Variants in SLC9B2 observed in about 807,000 individuals in gnomAD.
SLC9B2 encodes sodium/hydrogen exchanger 9B2.
In SLC9B2, 39 loss-of-function variants were observed where a neutral mutation model predicts 52.2. That is an observed-to-expected ratio of 0.75 (90% CI 0.58 to 0.98). The LOEUF is 0.98. SLC9B2 is among the 50% of genes least tolerant of loss of function. The pLI, the probability that SLC9B2 is intolerant of heterozygous loss-of-function variation, is 0.00. For synonymous variants in SLC9B2, 214 were observed against 227.0 expected (o/e 0.94, Z 0.51); for missense variants, 626 against 637.5 (o/e 0.98, Z 0.19).
intron 1 of SLC9B2, among the ~76,000 whole-genome samples, chr4:103,068,843 A>G (rs1173338908): frequency 6.6e-6 from 1 of 152,214 alleles, no homozygotes; most frequent in Non-Finnish European, 1.5e-5. Flanking sequence ...TATGCTAGAC[A>G]TAAAGACAAG....
At chr4:103,071,378 ATTT>A (rs550340712) in intron 1 of SLC9B2, among the ~76,000 whole-genome samples, 11 of 90,258 alleles carry the variant, frequency 1.2e-4, no homozygotes, top group African/African-American at 2.3e-4. Context: ...TAATTTTTGT[ATTT>A]TTTTTTTTTT....
chr4:103,047,238 G>A lies in SLC9B2; in HGVS notation c.714-12C>T, dbSNP rs546297436. ...CACCTAAAACAAAACTAGGCAGACA[G>A]CATTTTAAACATTTATGATAACATC... On this transcript the variant is annotated splice_polypyrimidine_tract_variant and intron_variant, in intron 6 of 11. Transcript: ENST00000394785. 1 of 1,600,090 alleles carries A rather than the reference G, an allele frequency of 6.2e-7. No homozygotes were observed. Among genetic ancestry groups the A allele is most frequent in the South Asian group, 1.1e-5 (1 of 89,230 alleles).
intron 1 of SLC9B2, 106 bp downstream of exon 1, chr4:103,076,078 G>A (rs1470692024): frequency 6.6e-6 from 1 of 152,322 alleles, no homozygotes; most frequent in African/African-American, 2.4e-5. Flanking sequence ...TGTACAAACA[G>A]AAAAGGCTGG....
chr4:103,055,391 A>T (rs1016767321), intron 4 of SLC9B2, among the ~76,000 whole-genome samples: 15 of 152,086 alleles, frequency 9.9e-5, no homozygotes, highest in East Asian at 9.6e-4. Flanking sequence ...AGTATAATTT[A>T]AAAAAAAGAA....
chr4:103,031,909 CT>C, intron 9 of SLC9B2, 101 bp from the exon 10 acceptor site: 1 of 1,181,064 alleles, frequency 8.5e-7, no homozygotes, highest in Non-Finnish European at 1.2e-6. Flanking sequence ...CTGAGATAAG[CT>C]TTATTTCTGT....
chr4:103,033,968 T>G lies in SLC9B2; in HGVS notation c.1147-2160A>C, dbSNP rs141130942. Among the ~76,000 whole-genome samples, 1,084 of 152,202 alleles carry G rather than the reference T, an allele frequency of 7.1e-3. 13 individuals are homozygous for G. The highest frequency in any genetic ancestry group is 0.025 in the African/African-American group (1,032 of 41,534). On this transcript the variant is annotated intron_variant, in intron 9 of 11. Coordinates refer to ENST00000394785, the MANE Select transcript of SLC9B2 (RefSeq NM_178833.7). The stretch of plus-strand genomic sequence containing the variant: ...TTAGAAAAAACATTATAAAATTCAT[T>G]TGGAGCCAAAAAAGAGCCCGAATAG...
At chr4:103,031,656 C>A in intron 10 of SLC9B2, 44 bp downstream of exon 10, 1 of 1,531,406 alleles carries the variant, frequency 6.5e-7, no homozygotes, top group East Asian at 2.3e-5. Context: ...GTAGGCTGAC[C>A]AAAAAAAGTG....
chr4:103,070,119 G>A (rs1451745904), intron 1 of SLC9B2, among the ~76,000 whole-genome samples: 4 of 152,132 alleles, frequency 2.6e-5, no homozygotes, highest in Non-Finnish European at 5.9e-5. Flanking sequence ...CTTTTAATGA[G>A]CCCAGTAAGA....
chr4:103,043,347 C>T lies in SLC9B2; in HGVS notation c.1095G>A (p.Leu365=), dbSNP rs1290212880. The change falls in exon 9 of 12, where the codon CTG becomes CTA. Residue 365 remains leucine, a synonymous_variant. Transcript: ENST00000394785. The part of the protein sequence containing the change: ...VHFGFPGSGG[L]CTLVMAFLAG... ...CAAGGAAAGCCATGACCAACGTGCA[C>T]AGTCCTCCTGATCCAGGGAAACCAA... 2 of 1,613,804 alleles carry T rather than the reference C, an allele frequency of 1.2e-6. No homozygotes were observed. The highest frequency in any genetic ancestry group is 1.7e-5 in the Admixed American group (1 of 59,906).
intron 9 of SLC9B2, among the ~76,000 whole-genome samples, chr4:103,035,638 G>A (rs982263241): frequency 1.3e-5 from 2 of 152,134 alleles, no homozygotes; most frequent in African/African-American, 4.8e-5. Context: ...AACAGATGAT[G>A]GTGAGGTTGT....
intron 4 of SLC9B2, among the ~76,000 whole-genome samples, chr4:103,056,177 T>G (rs1745122755): frequency 6.6e-6 from 1 of 152,150 alleles, no homozygotes; most frequent in African/African-American, 2.4e-5. Flanking sequence ...GTATGTGTCT[T>G]GTTTGGGCAG....
At chr4:103,043,112 A>C (rs1006330418) in intron 9 of SLC9B2, among the ~76,000 whole-genome samples, 184 bp downstream of exon 9, 2 of 152,198 alleles carry the variant, frequency 1.3e-5, no homozygotes, top group African/African-American at 4.8e-5. Context: ...TAAAGACATC[A>C]AGTTATAGAT....
chr4:103,037,703 CA>C lies in SLC9B2; in HGVS notation c.1146+5592del, dbSNP rs529222109. Among the ~76,000 whole-genome samples the C allele has an allele frequency of 2.6e-5, 4 of 152,318 alleles. No homozygotes were observed. In the East Asian group the frequency reaches 7.7e-4, roughly 29 times the overall value. ...CTTGCCTCTCAGCACCTCACTTTCT[CA>C]TGTGTAGAACAAAAGGTTTATATTA... On this transcript the variant is annotated intron_variant, in intron 9 of 11. Transcript: ENST00000394785.
intron 4 of SLC9B2, among the ~76,000 whole-genome samples, chr4:103,054,290 A>G (rs1192414274): frequency 6.6e-6 from 1 of 152,178 alleles, no homozygotes; most frequent in African/African-American, 2.4e-5. Context: ...ACAAAACAAA[A>G]CAAAACAACC....
chr4:103,045,861 A>C (rs886688744), intron 7 of SLC9B2, among the ~76,000 whole-genome samples: 16 of 152,176 alleles, frequency 1.1e-4, no homozygotes, highest in African/African-American at 3.4e-4. Context: ...TCGCCCAGGT[A>C]ATTCTAGTGT....
In SLC9B2 at chr4:103,057,933, T is replaced by C. The variant is rs1017528901; in HGVS notation, c.310A>G (p.Ile104Val). The part of the protein sequence containing the change: ...IVLLWAVVWS[I>V]TGSECLPGGN... Reference sequence around the variant, plus strand: ...CCAGGAAGACATTCACTGCCAGTAATTGACCAAACTACAGCCCACAGAAGA... The same window carrying C: ...CCAGGAAGACATTCACTGCCAGTAACTGACCAAACTACAGCCCACAGAAGA... Residue 104 changes from isoleucine (I) to valine (V), a missense_variant, in exon 4 of 12, where the codon ATT (isoleucine) becomes GTT (valine). By Grantham distance (29) the Ile-to-Val change is conservative (BLOSUM62 3). Coordinates refer to ENST00000394785, the MANE Select transcript of SLC9B2 (RefSeq NM_178833.7). The C allele has an allele frequency of 2.9e-5, 46 of 1,613,710 alleles. No individual in the cohort carries two copies. The highest frequency in any genetic ancestry group is 3.5e-5 in the Non-Finnish European group (41 of 1,179,948).
intron 3 of SLC9B2, among the ~76,000 whole-genome samples, chr4:103,059,522 C>A (rs974910455): frequency 6.6e-6 from 1 of 152,174 alleles, no homozygotes; most frequent in Non-Finnish European, 1.5e-5. Flanking sequence ...GTCCTTGAAG[C>A]CCCTAAACCA....
intron 1 of SLC9B2, among the ~76,000 whole-genome samples, chr4:103,073,434 T>C (rs1168678886): frequency 4.6e-5 from 7 of 152,194 alleles, no homozygotes; most frequent in Admixed American, 3.9e-4. Flanking sequence ...CTAATGGTCA[T>C]TTCCCAAAAG....
At position 103,024,362 on chromosome 4, in the gene SLC9B2, C is replaced by T. The variant is rs1282186712; in HGVS notation, c.*2008G>A. 6.6e-6 allele frequency among the ~76,000 whole-genome samples: 1 copy of T among 152,192 alleles called. No homozygotes were observed. Among genetic ancestry groups the T allele is most frequent in the African/African-American group, 2.4e-5 (1 of 41,444 alleles). Reference sequence around the variant, plus strand: ...ATGAAGTTCAGTTCAAAACACTTATCTGACCTTTGGTATAAATTAATCAAG... The same window carrying T: ...ATGAAGTTCAGTTCAAAACACTTATTTGACCTTTGGTATAAATTAATCAAG... On this transcript the variant is annotated 3_prime_UTR_variant, in exon 12 of 12. Coordinates refer to ENST00000394785, the MANE Select transcript of SLC9B2 (RefSeq NM_178833.7).
Sources: gnomAD v4.1 joint callset for allele counts (sites outside exome capture counted in the v4.1 genomes callset) on GRCh38, gnomAD v4.1.1 for gene constraint, MANE v1.5 for transcripts, NCBI Gene and HGNC (gene_info 2026-07-23, HGNC 2026-07-21) for gene names.